ZNF569: variants seen among roughly 807,000 people sequenced by gnomAD.
The protein encoded by ZNF569 is zinc finger protein 569, also known as DNA-binding protein.
A neutral mutation model predicts 56.3 loss-of-function variants in ZNF569; 38 were observed. The ratio of observed to expected loss-of-function variants is 0.68; its 90% CI spans 0.52 to 0.88. The LOEUF (loss-of-function observed/expected upper bound fraction) is 0.88. Among genes scored for constraint, ZNF569 ranks in the 40% least tolerant of loss-of-function variants. The pLI is 0.00. For missense variants in ZNF569, 666 were observed against 809.2 expected (o/e 0.82, Z 2.15); for synonymous variants, 241 against 262.9 (o/e 0.92, Z 0.81).
At chr19:37,421,161 G>T (rs1005241793) in intron 5 of ZNF569, among the ~76,000 whole-genome samples, 1 of 152,156 alleles carries the variant, frequency 6.6e-6, no homozygotes, top group Non-Finnish European at 1.5e-5. Context: ...TATAGAGCAC[G>T]AGCAGGGTGT....
intron 2 of ZNF569, among the ~76,000 whole-genome samples, chr19:37,457,826 T>TA (rs1250875398): frequency 6.6e-6 from 1 of 152,080 alleles, no homozygotes; most frequent in African/African-American, 2.4e-5. Flanking sequence ...CCCTAGAACT[T>TA]AAAGTATTAA....
rs779338055 is a variant in ZNF569, at chr19:37,412,659, A to G, written c.1999T>C (p.Cys667Arg). 6.2e-7 allele frequency: 1 copy of G among 1,613,362 alleles called. No homozygotes were observed. The highest frequency in any genetic ancestry group is 1.7e-5 in the Admixed American group (1 of 59,866). ...TGEKPYHCIE[C>R]GKAFSQKSHL... ...GACTTTTGGCTGAAAGCCTTGCCAC[A>G]CTCAATACAGTGATAGGGCTTCTCA... Residue 667 changes from cysteine to arginine, a missense_variant, in exon 6 of 6, where the codon TGT (cysteine) becomes CGT (arginine). Cys to Arg is a radical substitution (Grantham distance 180). Transcript: ENST00000316950.
chr19:37,432,209 T>C (rs988607597), intron 3 of ZNF569, among the ~76,000 whole-genome samples: 2 of 152,174 alleles, frequency 1.3e-5, no homozygotes, highest in Non-Finnish European at 2.9e-5. Flanking sequence ...GTGGTTACTG[T>C]GGGCCTTGGG....
chr19:37,430,819 G>A (rs537184734), intron 3 of ZNF569, among the ~76,000 whole-genome samples: 10 of 152,310 alleles, frequency 6.6e-5, no homozygotes, highest in African/African-American at 2.2e-4. Context: ...AATTGCTAAC[G>A]CCATCCCTCC....
At chr19:37,435,204 C>G (rs1228436338) in intron 3 of ZNF569, among the ~76,000 whole-genome samples, 1 of 152,126 alleles carries the variant, frequency 6.6e-6, no homozygotes, top group African/African-American at 2.4e-5. Flanking sequence ...GTGTAGAGTA[C>G]TAACTTTCTC....
chr19:37,469,081 T>C, upstream of ZNF569: 1 of 1,024,614 alleles, frequency 9.8e-7, no homozygotes, highest in African/African-American at 1.7e-5. Context: ...CCAGCCCGTG[T>C]AGTGTGACGC....
At chr19:37,463,796 G>A (rs2041790841) in intron 2 of ZNF569, among the ~76,000 whole-genome samples, 2 of 152,102 alleles carry the variant, frequency 1.3e-5, no homozygotes. Flanking sequence ...TGATATTGAT[G>A]ATTCTGACCC....
upstream of ZNF569, chr19:37,469,054 G>T: frequency 1.0e-6 from 1 of 996,146 alleles, no homozygotes. Context: ...GAGCGCTTGT[G>T]CCTGCGCACT....
chr19:37,446,907 G>C (rs991254988), intron 2 of ZNF569, among the ~76,000 whole-genome samples: 16 of 151,960 alleles, frequency 1.1e-4, no homozygotes, highest in African/African-American at 3.9e-4. Context: ...AAACAAATCA[G>C]CAAGAAAAAA....
upstream of ZNF569, chr19:37,467,585 G>A (rs1456301001): frequency 4.3e-6 from 2 of 463,848 alleles, no homozygotes; most frequent in Non-Finnish European, 7.7e-6. Context: ...GTTTAGTTCC[G>A]TCTTTTTGGG....
At chr19:37,437,833 A>C (rs991216451) in intron 3 of ZNF569, among the ~76,000 whole-genome samples, 1 of 129,970 alleles carries the variant, frequency 7.7e-6, no homozygotes, top group African/African-American at 2.5e-5. Context: ...ACACACAAAA[A>C]AATGGAAAGA....
chr19:37,414,057 G>A lies in ZNF569; in HGVS notation c.601C>T (p.Leu201Phe). Reference sequence around the variant, plus strand: ...GTATGAATTCTCAGATGTCTGATGAGGTCCAAAGTCTGATTGAAGCCTTTT... The same window carrying A: ...GTATGAATTCTCAGATGTCTGATGAAGTCCAAAGTCTGATTGAAGCCTTTT... ...CGKGFNQTLD[L>F]IRHLRIHTGE... The change falls in exon 6 of 6, where the codon CTC becomes TTC. Residue 201 changes from leucine (L) to phenylalanine (F), a missense_variant. Physicochemically the swap from Leu to Phe is conservative, Grantham distance 22. Coordinates refer to ENST00000316950, the MANE Select transcript of ZNF569 (RefSeq NM_152484.3). 3 of 1,613,532 alleles carry A rather than the reference G, an allele frequency of 1.9e-6. No individual in the cohort carries two copies. Among genetic ancestry groups the A allele is most frequent in the Non-Finnish European group, 2.5e-6 (3 of 1,179,874 alleles).
intron 3 of ZNF569, among the ~76,000 whole-genome samples, chr19:37,435,969 C>T (rs545076610): frequency 2.6e-5 from 4 of 152,286 alleles, no homozygotes; most frequent in Admixed American, 2.6e-4. Flanking sequence ...AACTATCAGA[C>T]TTAATCTGCA....
chr19:37,467,938 A>T, upstream of ZNF569: 1 of 1,536,066 alleles, frequency 6.5e-7, no homozygotes, highest in Non-Finnish European at 8.7e-7. Context: ...TGAGTGTGAC[A>T]GTGTTATTGG....
chr19:37,462,549 G>T (rs969332665), intron 2 of ZNF569, among the ~76,000 whole-genome samples: 3 of 151,690 alleles, frequency 2.0e-5, no homozygotes, highest in Non-Finnish European at 4.4e-5. Flanking sequence ...ATTTCATGTT[G>T]CCAAATTCCA....
At chr19:37,437,383 T>C (rs1350279312) in intron 3 of ZNF569, among the ~76,000 whole-genome samples, 2 of 152,054 alleles carry the variant, frequency 1.3e-5, no homozygotes, top group Non-Finnish European at 2.9e-5. Context: ...TCATACCGAA[T>C]GGGGAAAAAC....
chr19:37,450,524 T>C (rs1052270391), intron 2 of ZNF569, among the ~76,000 whole-genome samples: 14 of 152,194 alleles, frequency 9.2e-5, no homozygotes, highest in Admixed American at 8.5e-4. Context: ...TGATGTTATT[T>C]ATTTGAGTCT....
intron 2 of ZNF569, among the ~76,000 whole-genome samples, chr19:37,450,000 C>G (rs574129205): frequency 6.6e-6 from 1 of 152,038 alleles, no homozygotes. Flanking sequence ...TTTTATTATT[C>G]TGTTTTATCT....
intron 5 of ZNF569, among the ~76,000 whole-genome samples, chr19:37,420,283 G>A (rs1488877997): frequency 2.0e-5 from 3 of 151,634 alleles, no homozygotes; most frequent in Non-Finnish European, 2.9e-5. Flanking sequence ...CCACTGCGCC[G>A]GCCCCAATTT....
Sources: allele counts gnomAD v4.1 joint callset (sites outside exome capture counted in the v4.1 genomes callset), GRCh38; gene constraint gnomAD v4.1.1; transcripts MANE v1.5; gene names NCBI Gene and HGNC (gene_info 2026-07-23, HGNC 2026-07-21).